The following PLEKHG7 variants were observed in gnomAD, a reference collection of about 807,000 sequenced individuals.
PLEKHG7 encodes the protein pleckstrin homology domain-containing family G member 7.
A neutral mutation model predicts 85.2 loss-of-function variants in PLEKHG7; 77 were observed. The ratio of observed to expected loss-of-function variants is 0.90; its 90% confidence interval spans 0.75 to 1.09. PLEKHG7 has a LOEUF of 1.09. PLEKHG7 is among the 50% of genes least tolerant of loss of function. The probability of loss-of-function intolerance (pLI) is 0.00; values close to 1 mark genes in which losing one functional copy is unlikely to be tolerated. For synonymous variants in PLEKHG7, 301 were observed against 302.4 expected, an observed-to-expected ratio of 1.00 and a Z score of 0.05; for missense variants, 777 against 804.3, an observed-to-expected ratio of 0.97 and a Z score of 0.41.
intron 10 of PLEKHG7, among the ~76,000 whole-genome samples, chr12:92,753,660 C>T (rs57786551): frequency 0.056 from 8,520 of 152,180 alleles, 276 homozygotes; most frequent in African/African-American, 0.068. Context: ...TTACCCTGAT[C>T]CTCCCCAACT....
At chr12:92,714,948 G>C (rs1194153894) in intron 3 of PLEKHG7, among the ~76,000 whole-genome samples, 2 of 151,996 alleles carry the variant, frequency 1.3e-5, no homozygotes, top group African/African-American at 4.8e-5. Context: ...TTAATACTCT[G>C]TTCCTCTAGA....
chr12:92,704,668 C>T (rs936133831), intron 1 of PLEKHG7, among the ~76,000 whole-genome samples: 5 of 152,176 alleles, frequency 3.3e-5, no homozygotes, highest in African/African-American at 7.2e-5. Flanking sequence ...GTTGAATTGA[C>T]GTTAGTTTGC....
intron 3 of PLEKHG7, among the ~76,000 whole-genome samples, chr12:92,721,804 C>T (rs1486095683): frequency 6.8e-6 from 1 of 146,968 alleles, no homozygotes; most frequent in Non-Finnish European, 1.5e-5. Context: ...ACTGTACTTA[C>T]ACGGTGACAA....
intron 10 of PLEKHG7, among the ~76,000 whole-genome samples, chr12:92,752,393 G>A (rs1169702454): frequency 1.3e-5 from 2 of 152,170 alleles, no homozygotes; most frequent in African/African-American, 4.8e-5. Flanking sequence ...CAGTATACAT[G>A]GAAACAAGAG....
At chr12:92,730,565 C>T (rs1871955636) in intron 4 of PLEKHG7, among the ~76,000 whole-genome samples, 1 of 152,112 alleles carries the variant, frequency 6.6e-6, no homozygotes, top group Non-Finnish European at 1.5e-5. Flanking sequence ...CACTCTGTGG[C>T]CACCACCACG....
At chr12:92,744,162 G>T (rs1872450639) in intron 9 of PLEKHG7, among the ~76,000 whole-genome samples, 1 of 152,090 alleles carries the variant, frequency 6.6e-6, no homozygotes, top group African/African-American at 2.4e-5. Context: ...TTTCAGACTG[G>T]GTCTGCTTTC....
chr12:92,716,716 G>T (rs924644248), intron 3 of PLEKHG7, among the ~76,000 whole-genome samples: 2 of 152,150 alleles, frequency 1.3e-5, no homozygotes, highest in African/African-American at 4.8e-5. Context: ...GGGTTTCCCC[G>T]CATCTTATAA....
chr12:92,732,713 T>C (rs1480783710), intron 5 of PLEKHG7, among the ~76,000 whole-genome samples: 1 of 152,186 alleles, frequency 6.6e-6, no homozygotes, highest in Non-Finnish European at 1.5e-5. Context: ...GGAAAGCCAA[T>C]TGGATTAATC....
At position 92,732,243 on chromosome 12, in the gene PLEKHG7, G is replaced by C; in HGVS notation, c.669G>C (p.Lys223Asn). The change falls in exon 5 of 17, where the codon AAG becomes AAC. Residue 223 changes from lysine (K) to asparagine (N), a missense_variant. Around this residue, in one of 3 missense-constraint regions of PLEKHG7, gnomAD observed 520 missense variants for 544.0 expected, o/e 0.96. Coordinates refer to ENST00000344636, the MANE Select transcript of PLEKHG7 (RefSeq NM_001377329.1). The part of the protein sequence containing the change: ...PLLLLNSESK[K>N]PRWPFSKRGV... The stretch of plus-strand genomic sequence containing the variant: ...TTTAATTTCACCCAGAATCCAAAAA[G>C]CCAAGATGGCCTTTCTCCAAAAGAG... 1 of 1,231,344 alleles carries C rather than the reference G, an allele frequency of 8.1e-7. No homozygotes were observed. Among genetic ancestry groups the C allele is most frequent in the Non-Finnish European group, 1.0e-6 (1 of 987,328 alleles). 76.3% of individuals were successfully genotyped at this position (1,231,344 alleles called of 1,614,324 possible). A position where few individuals can be genotyped will look rare whatever the true frequency, so the allele number is the denominator to read the frequency against.
At chr12:92,761,708 TAAC>T (rs1873038815) in intron 13 of PLEKHG7, 41 bp from the exon 14 acceptor site, 2 of 1,512,092 alleles carry the variant, frequency 1.3e-6, no homozygotes, top group South Asian at 1.4e-5. Context: ...CTCTTCTACT[TAAC>T]AGTTTCAGGT....
At chr12:92,739,665 A>G (rs540644760) in intron 7 of PLEKHG7, among the ~76,000 whole-genome samples, 87 of 152,356 alleles carry the variant, frequency 5.7e-4, no homozygotes, top group African/African-American at 2.0e-3. Flanking sequence ...AAAAGTGCTT[A>G]TGAATTAAAA....
chr12:92,712,186 G>C (rs1871378375), intron 3 of PLEKHG7, among the ~76,000 whole-genome samples: 1 of 152,232 alleles, frequency 6.6e-6, no homozygotes, highest in Non-Finnish European at 1.5e-5. Context: ...AATGTCATCA[G>C]TGTAATGGAC....
rs377122804 is a variant in PLEKHG7, at chr12:92,706,984, C to G, written c.353C>G (p.Ala118Gly). ...LTSEPERALN[A>G]ADSLEPQTRP... Reference sequence around the variant, plus strand: ...TCTGAACCTGAAAGGGCCCTGAATGCAGCTGACTCACTGGAGCCCCAAACC... The same window carrying G: ...TCTGAACCTGAAAGGGCCCTGAATGGAGCTGACTCACTGGAGCCCCAAACC... The change falls in exon 2 of 17, where the codon GCA becomes GGA. Residue 118 changes from alanine to glycine, a missense_variant. Ala to Gly is a moderately conservative substitution (Grantham distance 60, BLOSUM62 0). Transcript: ENST00000344636. The G allele has an allele frequency of 1.9e-6, 3 of 1,614,064 alleles. No homozygotes were observed. In the African/African-American group the frequency reaches 4.0e-5, roughly 22 times the overall value.
chr12:92,756,455 A>G, intron 13 of PLEKHG7, 64 bp downstream of exon 13: 1 of 1,245,280 alleles, frequency 8.0e-7, no homozygotes, highest in Non-Finnish European at 1.2e-6. Flanking sequence ...TTTGACTGCC[A>G]GTAATTGAAG....
chr12:92,756,186 C>A, intron 12 of PLEKHG7, 112 bp from the exon 13 acceptor site: 1 of 803,928 alleles, frequency 1.2e-6, no homozygotes, highest in Non-Finnish European at 2.0e-6. Flanking sequence ...CATCTGCTGG[C>A]ATTTCCAAAT....
In PLEKHG7 at chr12:92,767,298, C is replaced by T. The variant is rs1246362916; in HGVS notation, c.1871-1685C>T. On this transcript the variant is annotated intron_variant, in intron 15 of 16. Transcript: ENST00000344636. The stretch of plus-strand genomic sequence containing the variant: ...ATTTTACAGGCCTAGCTTAGCAGGT[C>T]CTTTTATTTATAAAGTCCCTTGTAC... 5.3e-5 allele frequency among the ~76,000 whole-genome samples: 8 copies of T among 152,084 alleles called. No homozygotes were observed. The East Asian group carries it at 1.2e-3, about 22-fold the overall frequency.
chr12:92,759,062 G>A (rs1329531034), intron 13 of PLEKHG7, among the ~76,000 whole-genome samples: 1 of 152,164 alleles, frequency 6.6e-6, no homozygotes, highest in African/African-American at 2.4e-5. Flanking sequence ...TGAAAATGAT[G>A]TGATGAAACC....
At chr12:92,734,348 A>T (rs1475517621) in intron 5 of PLEKHG7, among the ~76,000 whole-genome samples, 2 of 152,034 alleles carry the variant, frequency 1.3e-5, no homozygotes, top group Non-Finnish European at 2.9e-5. Flanking sequence ...AATATTAGTA[A>T]TAAAAGCTAA....
At position 92,754,104 on chromosome 12, in the gene PLEKHG7, T is replaced by C. The variant is rs1004355788; in HGVS notation, c.1266T>C (p.Asn422=). 1.1e-5 allele frequency: 18 copies of C among 1,613,570 alleles called. No individual in the cohort carries two copies. The highest frequency in any genetic ancestry group is 1.5e-5 in the Non-Finnish European group (18 of 1,179,708). ...FGIYLKWCEQ[N]EQCRRLHVPE... ...GCCTTCCCCAGTGGTGTGAGCAGAATGAACAATGCAGACGGCTCCACGTGC... is the reference window on the plus strand; with the variant it reads ...GCCTTCCCCAGTGGTGTGAGCAGAACGAACAATGCAGACGGCTCCACGTGC... Residue 422 remains asparagine (N), a synonymous_variant, in exon 11 of 17, where the codon AAT becomes AAC. Transcript: ENST00000344636.
Sources: gnomAD v4.1 joint callset for allele counts (sites outside exome capture counted in the v4.1 genomes callset) on GRCh38, gnomAD v4.1.1 for gene constraint, gnomAD v4.1.1 regional missense constraint, MANE v1.5 for transcripts, NCBI Gene and HGNC (gene_info 2026-07-23, HGNC 2026-07-21) for gene names.